The following PIK3CD variants were observed in gnomAD, a reference collection of about 807,000 sequenced individuals.
The protein encoded by PIK3CD is phosphatidylinositol-4,5-bisphosphate 3-kinase catalytic subunit delta.
PIK3CD carries 20 observed loss-of-function variants against 122.9 expected under a neutral mutation model. The observed-to-expected ratio is 0.16, with a 90% CI of 0.11 to 0.24. PIK3CD has a LOEUF of 0.24. Ranked by LOEUF, PIK3CD falls within the 10% of genes least tolerant of loss-of-function variation. The probability of loss-of-function intolerance (pLI) is 1.00; values close to 1 mark genes in which losing one functional copy is unlikely to be tolerated. For missense variants in PIK3CD, 787 were observed against 1,406.3 expected, an observed-to-expected ratio of 0.56 and a Z score of 7.04; for synonymous variants, 596 against 593.4, an observed-to-expected ratio of 1.00 and a Z score of -0.06.
chr1:9,666,258 T>TTTTTTTTTG (rs1645155468), intron 1 of PIK3CD, among the ~76,000 whole-genome samples: 1 of 132,010 alleles, frequency 7.6e-6, no homozygotes, highest in Non-Finnish European at 1.6e-5. Context: ...TTTTTTTTTT[T>TTTTTTTTTG]GAGGTGGAGT....
chr1:9,660,574 T>C (rs1163153239), intron 1 of PIK3CD, among the ~76,000 whole-genome samples: 4 of 152,112 alleles, frequency 2.6e-5, no homozygotes, highest in Non-Finnish European at 5.9e-5. Context: ...TTAGCAAGAA[T>C]TATAGTCATA....
In PIK3CD at chr1:9,719,518, G is replaced by A. The variant is rs936469658; in HGVS notation, c.1243-403G>A. 6.6e-6 allele frequency among the ~76,000 whole-genome samples: 1 copy of A among 152,140 alleles called. No individual in the cohort carries two copies. The highest frequency in any genetic ancestry group is 1.5e-5 in the Non-Finnish European group (1 of 68,016). On this transcript the variant is annotated intron_variant, in intron 9 of 23. Coordinates refer to ENST00000377346, the MANE Select transcript of PIK3CD (RefSeq NM_005026.5). The surrounding 1 kb of genome is among the most constrained non-coding windows in gnomAD (Gnocchi z 5.5). Reference sequence around the variant, plus strand: ...TACTGAAAATACAAAAAAATTAGCCGGGCGTGGAGGCACATGCCTGTAATC... The same window carrying A: ...TACTGAAAATACAAAAAAATTAGCCAGGCGTGGAGGCACATGCCTGTAATC...
intron 13 of PIK3CD, 96 bp from the exon 14 acceptor site, chr1:9,721,031 C>CACCCACCACCCTGACCCTGGCT: frequency 1.4e-6 from 2 of 1,431,628 alleles, no homozygotes; most frequent in Non-Finnish European, 1.9e-6. Flanking sequence ...TGACCCTGGC[C>CACCCACCACCCTGACCCTGGCT]ACCCACCACC....
chr1:9,632,892 C>T, the PIK3CD span, among the ~76,000 whole-genome samples: 25 of 147,484 alleles, frequency 1.7e-4, no homozygotes, highest in African/African-American at 3.8e-4. Flanking sequence ...GACAGAGTCT[C>T]GCTCTGTTGC....
chr1:9,648,405 G>C (rs1265552582), upstream of PIK3CD, among the ~76,000 whole-genome samples: 1 of 152,130 alleles, frequency 6.6e-6, no homozygotes, highest in Non-Finnish European at 1.5e-5. Flanking sequence ...AAAACCATTC[G>C]TCATCTGGCT....
chr1:9,652,671 T>G lies in PIK3CD; in HGVS notation c.-138+869T>G, dbSNP rs1644714514. ...TTTAGGCTTCCTCATTTGCACCTCC[T>G]CCTTTGAGGTAGAGAAGAGGGGAAC... is the stretch of plus-strand genomic sequence containing the variant. On this transcript the variant is annotated intron_variant, in intron 1 of 23. Transcript: ENST00000377346. The surrounding 1 kb of genome is among the most constrained non-coding windows in gnomAD (Gnocchi z 6.2). 1 of 152,222 alleles carries G rather than the reference T, an allele frequency of 6.6e-6. No homozygotes were observed. The highest frequency in any genetic ancestry group is 2.4e-5 in the African/African-American group (1 of 41,452). The allele number at this position is 152,222 out of a possible 1,614,324, so 9.4% of individuals were successfully genotyped here.
chr1:9,674,615 G>A (rs771321243), intron 1 of PIK3CD, among the ~76,000 whole-genome samples: 6 of 150,342 alleles, frequency 4.0e-5, no homozygotes, highest in Non-Finnish European at 7.4e-5. Context: ...GCTTGAACCG[G>A]AGAGGTGGAG....
the PIK3CD span, among the ~76,000 whole-genome samples, chr1:9,633,807 T>C: frequency 6.6e-6 from 1 of 152,158 alleles, no homozygotes; most frequent in Non-Finnish European, 1.5e-5. Flanking sequence ...ATGCTACCTC[T>C]GCCTGCCCTT....
chr1:9,659,066 T>G (rs1469053455), intron 1 of PIK3CD, among the ~76,000 whole-genome samples: 1 of 152,216 alleles, frequency 6.6e-6, no homozygotes, highest in Admixed American at 6.6e-5. Context: ...TTGGGTATCC[T>G]TTCCATTAAC....
chr1:9,687,358 G>C (rs1646002759), intron 1 of PIK3CD: 2 of 152,290 alleles, frequency 1.3e-5, no homozygotes, highest in African/African-American at 4.8e-5. Flanking sequence ...TCTGCACCCA[G>C]AACTCCTCCC....
intron 23 of PIK3CD, among the ~76,000 whole-genome samples, chr1:9,726,167 C>T (rs987780211): frequency 1.3e-5 from 2 of 151,874 alleles, no homozygotes; most frequent in Admixed American, 6.6e-5. Context: ...AAGCCTAGAT[C>T]GCGCCACTGC....
At position 9,700,036 on chromosome 1, in the gene PIK3CD, T is replaced by C. The variant is rs77750746; in HGVS notation, c.-33+8465T>C. 6.2e-3 allele frequency among the ~76,000 whole-genome samples: 938 copies of C among 152,366 alleles called. 14 individuals carry two copies. The highest frequency in any genetic ancestry group is 0.021 in the African/African-American group (890 of 41,590). ...CCCACCATCCAAAGGAAACGCTGCC[T>C]GCAAGCCCCTTTTTATTATATTCCA... is the stretch of plus-strand genomic sequence containing the variant. On this transcript the variant is annotated intron_variant, in intron 2 of 23. Transcript: ENST00000377346. The surrounding 1 kb of genome is among the most constrained non-coding windows in gnomAD (Gnocchi z 5.1).
rs35685570 is a variant in PIK3CD, at chr1:9,723,506, C to T, written c.2594+214C>T. ...TCTTGCTATGCAACACCATCCAAAG[C>T]GCAGGGCTTTAAAAAACAGCCATTT... is the stretch of plus-strand genomic sequence containing the variant. On this transcript the variant is annotated intron_variant, in intron 20 of 23. Transcript: ENST00000377346. The surrounding 1 kb of genome is among the most constrained non-coding windows in gnomAD (Gnocchi z 4.9). Among the ~76,000 whole-genome samples the T allele has an allele frequency of 0.012, 1,755 of 152,286 alleles. 33 individuals carry two copies. The highest frequency in any genetic ancestry group is 0.04 in the African/African-American group (1,666 of 41,542).
At chr1:9,687,645 CTG>C (rs1478320437) in intron 1 of PIK3CD, 1 of 152,200 alleles carries the variant, frequency 6.6e-6, no homozygotes, top group African/African-American at 2.4e-5. Context: ...CTCCCGGGAT[CTG>C]TGAAAGCACA....
chr1:9,658,988 G>C (rs1162787516), intron 1 of PIK3CD, among the ~76,000 whole-genome samples: 2 of 152,222 alleles, frequency 1.3e-5, no homozygotes, highest in Non-Finnish European at 2.9e-5. Context: ...AAAGGAGCTG[G>C]TGTGGAGTGG....
chr1:9,686,054 T>C (rs1421587915), intron 1 of PIK3CD, among the ~76,000 whole-genome samples: 1 of 152,180 alleles, frequency 6.6e-6, no homozygotes, highest in Non-Finnish European at 1.5e-5. Context: ...AAAAGTGTGA[T>C]GAAATCACAC....
At chr1:9,684,133 C>T (rs1645874814) in intron 1 of PIK3CD, among the ~76,000 whole-genome samples, 1 of 152,122 alleles carries the variant, frequency 6.6e-6, no homozygotes, top group Admixed American at 6.6e-5. Flanking sequence ...ACTCTCTTGG[C>T]AGTCACAAGC....
chr1:9,709,875 G>T (rs543600804), intron 2 of PIK3CD, among the ~76,000 whole-genome samples: 8 of 152,164 alleles, frequency 5.3e-5, no homozygotes, highest in African/African-American at 1.9e-4. Context: ...ATGTGGTAAC[G>T]CATGCCTGTA....
At chr1:9,712,720 A>G (rs1647104921) in intron 3 of PIK3CD, among the ~76,000 whole-genome samples, 1 of 152,202 alleles carries the variant, frequency 6.6e-6, no homozygotes, top group Admixed American at 6.5e-5. Flanking sequence ...CTTCCATTGG[A>G]AGAGTAATAT....
Sources: gnomAD v4.1 joint callset for allele counts (sites outside exome capture counted in the v4.1 genomes callset) on GRCh38, gnomAD v4.1.1 for gene constraint, Gnocchi (gnomAD v3.1) non-coding constraint, MANE v1.5 for transcripts, NCBI Gene and HGNC (gene_info 2026-07-23, HGNC 2026-07-21) for gene names.